The following EBF1 variants were observed in gnomAD, a reference collection of about 807,000 sequenced individuals.
EBF1 encodes transcription factor COE1.
EBF1 carries 10 observed loss-of-function variants against 68.4 expected under a neutral mutation model. The observed-to-expected ratio is 0.15, with a 90% CI of 0.09 to 0.25. EBF1 has a LOEUF of 0.25. Ranked by LOEUF, EBF1 falls within the 10% of genes least tolerant of loss-of-function variation. The pLI, the probability that EBF1 is intolerant of heterozygous loss-of-function variation, is 1.00. For synonymous variants in EBF1, 298 were observed against 299.8 expected, an observed-to-expected ratio of 0.99 and a Z score of 0.06; for missense variants, 509 against 794.4, an observed-to-expected ratio of 0.64 and a Z score of 4.32.
intron 6 of EBF1, among the ~76,000 whole-genome samples, chr5:158,953,998 A>G (rs7708076): frequency 0.039 from 5,900 of 152,340 alleles, 129 homozygotes; most frequent in East Asian, 0.1. Context: ...TTATATGAAT[A>G]GCAAGATGTC....
At chr5:158,857,078 C>T (rs572878356) in intron 6 of EBF1, among the ~76,000 whole-genome samples, 1 of 152,276 alleles carries the variant, frequency 6.6e-6, no homozygotes, top group East Asian at 1.9e-4. Context: ...CCATCTTCCG[C>T]CTCCTACTCT....
At chr5:159,020,712 T>C (rs886476651) in intron 6 of EBF1, among the ~76,000 whole-genome samples, 1 of 152,240 alleles carries the variant, frequency 6.6e-6, no homozygotes, top group African/African-American at 2.4e-5. Flanking sequence ...CCCAGCTGGA[T>C]TGTAAACTCC....
intron 6 of EBF1, among the ~76,000 whole-genome samples, chr5:158,917,389 A>G (rs147971617): frequency 5.9e-4 from 90 of 152,208 alleles, no homozygotes; most frequent in African/African-American, 2.0e-3. Context: ...GTTTTTCCCT[A>G]TAACCTACCC....
chr5:158,989,441 G>A (rs1759823405), intron 6 of EBF1, among the ~76,000 whole-genome samples: 2 of 152,210 alleles, frequency 1.3e-5, no homozygotes, highest in South Asian at 2.1e-4. Context: ...GGATACGAGT[G>A]ATGGTGAGGC....
intron 6 of EBF1, among the ~76,000 whole-genome samples, chr5:159,064,110 G>A (rs1337540485): frequency 1.3e-5 from 2 of 151,694 alleles, no homozygotes; most frequent in African/African-American, 4.9e-5. Flanking sequence ...CATTGCTCCA[G>A]CAATGAGTAC....
intron 10 of EBF1, among the ~76,000 whole-genome samples, chr5:158,757,043 G>A (rs1171279226): frequency 6.6e-6 from 1 of 151,830 alleles, no homozygotes; most frequent in East Asian, 1.9e-4. Flanking sequence ...TTCACAGGCT[G>A]AGCCAGGAGC....
chr5:158,925,234 C>T (rs1809418262), intron 6 of EBF1, among the ~76,000 whole-genome samples: 1 of 152,160 alleles, frequency 6.6e-6, no homozygotes, highest in African/African-American at 2.4e-5. Flanking sequence ...AATCAACCTG[C>T]TTTATTTTCC....
At chr5:158,926,687 G>A (rs1361129961) in intron 6 of EBF1, among the ~76,000 whole-genome samples, 1 of 148,878 alleles carries the variant, frequency 6.7e-6, no homozygotes, top group African/African-American at 2.5e-5. Flanking sequence ...TTGAGCCACT[G>A]CACTCCAGCC....
intron 4 of EBF1, among the ~76,000 whole-genome samples, chr5:159,090,778 A>G (rs934044731): frequency 6.6e-6 from 1 of 151,872 alleles, no homozygotes. Context: ...TACATTAGTA[A>G]ATACAATTGG....
chr5:158,766,574 C>A (rs1220847524), intron 10 of EBF1, among the ~76,000 whole-genome samples: 1 of 152,118 alleles, frequency 6.6e-6, no homozygotes, highest in Non-Finnish European at 1.5e-5. Flanking sequence ...AAGCCCTAAA[C>A]TTCACTAGAA....
chr5:158,763,157 C>T (rs1313484742), intron 10 of EBF1, among the ~76,000 whole-genome samples: 1 of 152,176 alleles, frequency 6.6e-6, no homozygotes, highest in African/African-American at 2.4e-5. Context: ...TCAAGGACCA[C>T]CAGGGGACTG....
chr5:158,703,261 G>A (rs1208708232), intron 15 of EBF1, among the ~76,000 whole-genome samples: 2 of 152,126 alleles, frequency 1.3e-5, no homozygotes, highest in Non-Finnish European at 2.9e-5. Context: ...AGGTAGTCTG[G>A]GACCAGGATT....
At chr5:158,949,447 C>T (rs61288286) in intron 6 of EBF1, among the ~76,000 whole-genome samples, 82,278 of 151,924 alleles carry the variant, frequency 0.54, 22,565 homozygotes, top group South Asian at 0.7. Flanking sequence ...CTGGGCAACA[C>T]AGTGAGACCC....
chr5:158,709,322 C>CAT (rs1288973092), intron 14 of EBF1, among the ~76,000 whole-genome samples: 2 of 144,084 alleles, frequency 1.4e-5, no homozygotes, highest in Non-Finnish European at 3.0e-5. Context: ...GGGCCTATCA[C>CAT]ATATATTTTT....
intron 6 of EBF1, among the ~76,000 whole-genome samples, chr5:159,035,822 G>A (rs1769926951): frequency 6.6e-6 from 1 of 152,202 alleles, no homozygotes; most frequent in African/African-American, 2.4e-5. Flanking sequence ...GCCCTTCCCA[G>A]GGTCATGCAT....
At chr5:158,717,897 A>T (rs1046891507) in intron 11 of EBF1, among the ~76,000 whole-genome samples, 11 of 152,106 alleles carry the variant, frequency 7.2e-5, no homozygotes, top group African/African-American at 2.7e-4. Flanking sequence ...CTATGACCAT[A>T]GGTTGATGGT....
Position 159,099,561 on chromosome 5 carries a change from G to C in EBF1, c.-83C>G. On this transcript the variant is annotated 5_prime_UTR_variant, in exon 1 of 16. Transcript: ENST00000313708. ...AAAAAAGGAAAGAAAAGAAAGAAAA[G>C]AAAAGAAACAAAAACGCCAACCAGA... The C allele has an allele frequency of 3.4e-4, 425 of 1,241,182 alleles. No homozygotes were observed. The highest frequency in any genetic ancestry group is 6.0e-4 in the East Asian group (19 of 31,726). The allele number at this position is 1,241,182 out of a possible 1,614,324, so 76.9% of individuals were successfully genotyped here.
chr5:158,724,635 G>T (rs970210298), intron 11 of EBF1, among the ~76,000 whole-genome samples: 2 of 152,208 alleles, frequency 1.3e-5, no homozygotes, highest in African/African-American at 4.8e-5. Flanking sequence ...ATGCTCTTTA[G>T]GGAGGGTGAT....
intron 4 of EBF1, among the ~76,000 whole-genome samples, chr5:159,086,619 T>C (rs181704424): frequency 4.3e-4 from 65 of 152,322 alleles, no homozygotes; most frequent in Admixed American, 1.3e-3. Flanking sequence ...AGAGGTGATT[T>C]TGAGTTCTTC....
Sources: allele counts gnomAD v4.1 joint callset (sites outside exome capture counted in the v4.1 genomes callset), GRCh38; gene constraint gnomAD v4.1.1; transcripts MANE v1.5; gene names NCBI Gene and HGNC (gene_info 2026-07-23, HGNC 2026-07-21).